KCND2: variants seen among roughly 807,000 people sequenced by gnomAD.
The protein encoded by KCND2 is A-type voltage-gated potassium channel KCND2.
KCND2 carries 16 observed loss-of-function variants against 54.4 expected under a neutral mutation model. That is an observed-to-expected ratio of 0.29 (90% CI 0.20 to 0.45). The LOEUF is 0.45. Among genes scored for constraint, KCND2 ranks in the 20% least tolerant of loss-of-function variants. The probability of loss-of-function intolerance (pLI) is 1.00; values close to 1 mark genes in which losing one functional copy is unlikely to be tolerated. For synonymous variants in KCND2, 317 were observed against 310.7 expected, an observed-to-expected ratio of 1.02 and a Z score of -0.21; for missense variants, 486 against 824.2, an observed-to-expected ratio of 0.59 and a Z score of 5.02.
At chr7:120,278,432 T>G (rs1799211323) in intron 1 of KCND2, among the ~76,000 whole-genome samples, 2 of 151,634 alleles carry the variant, frequency 1.3e-5, no homozygotes, top group Non-Finnish European at 1.5e-5. Context: ...GGCTATTAAT[T>G]TTAATGGAGC....
At chr7:120,615,731 G>T (rs1184682848) in intron 1 of KCND2, among the ~76,000 whole-genome samples, 1 of 152,148 alleles carries the variant, frequency 6.6e-6, no homozygotes, top group Non-Finnish European at 1.5e-5. Flanking sequence ...AACCAGAATT[G>T]AATTCTCCAT....
intron 1 of KCND2, among the ~76,000 whole-genome samples, chr7:120,647,473 C>G (rs1012042221): frequency 3.9e-5 from 6 of 152,150 alleles, no homozygotes; most frequent in African/African-American, 1.4e-4. Flanking sequence ...TCTCCAAGAC[C>G]CCTCTCACCT....
intron 1 of KCND2, among the ~76,000 whole-genome samples, chr7:120,372,409 G>A (rs1800777464): frequency 6.6e-6 from 1 of 151,558 alleles, no homozygotes; most frequent in Non-Finnish European, 1.5e-5. Context: ...TAATATTACA[G>A]CTGTTAGTTC....
At chr7:120,300,023 A>C (rs1799563708) in intron 1 of KCND2, among the ~76,000 whole-genome samples, 1 of 152,212 alleles carries the variant, frequency 6.6e-6, no homozygotes, top group Non-Finnish European at 1.5e-5. Context: ...AGCTCTGCCA[A>C]TAAACATGAA....
intron 1 of KCND2, among the ~76,000 whole-genome samples, chr7:120,604,089 T>G (rs552924152): frequency 6.6e-6 from 1 of 152,294 alleles, no homozygotes. Context: ...AAATGTAATT[T>G]AAAACATTTA....
chr7:120,410,624 G>T (rs1801435835), intron 1 of KCND2, among the ~76,000 whole-genome samples: 1 of 151,734 alleles, frequency 6.6e-6, no homozygotes, highest in Non-Finnish European at 1.5e-5. Flanking sequence ...GTATACATGT[G>T]CCATATTGGT....
At chr7:120,509,102 A>T (rs2116328333) in intron 1 of KCND2, among the ~76,000 whole-genome samples, 2 of 152,102 alleles carry the variant, frequency 1.3e-5, no homozygotes, top group South Asian at 4.2e-4. Flanking sequence ...ATTAATTTAA[A>T]ACTGATTTTA....
chr7:120,610,973 C>A (rs559150064), intron 1 of KCND2, among the ~76,000 whole-genome samples: 1 of 152,300 alleles, frequency 6.6e-6, no homozygotes, highest in East Asian at 1.9e-4. Context: ...CCATTTCTCA[C>A]ATCAGTTCTG....
At chr7:120,513,784 C>T (rs73721409) in intron 1 of KCND2, among the ~76,000 whole-genome samples, 2 of 151,726 alleles carry the variant, frequency 1.3e-5, no homozygotes, top group Admixed American at 6.6e-5. Context: ...GTAAAATTCA[C>T]ATTTAATATG....
In KCND2 at chr7:120,501,788, G is replaced by A. The variant is rs180739697; in HGVS notation, c.1115+226041G>A. Reference sequence around the variant, plus strand: ...CATGCTCTAGGGAATAATATATTTCGCACTGTATTCCCCTGGGTGTTTCAA... The same window carrying A: ...CATGCTCTAGGGAATAATATATTTCACACTGTATTCCCCTGGGTGTTTCAA... On this transcript the variant is annotated intron_variant, in intron 1 of 5. Transcript: ENST00000331113. 1.3e-3 allele frequency among the ~76,000 whole-genome samples: 196 copies of A among 151,882 alleles called. 1 individual carries two copies. Among genetic ancestry groups the A allele is most frequent in the Middle Eastern group, 3.4e-3 (1 of 294 alleles).
At chr7:120,592,453 G>A (rs775788661) in intron 1 of KCND2, among the ~76,000 whole-genome samples, 3 of 152,090 alleles carry the variant, frequency 2.0e-5, no homozygotes, top group Non-Finnish European at 2.9e-5. Context: ...CAGGAGAATA[G>A]CTTGAACCCA....
chr7:120,655,648 A>G (rs188962771), intron 1 of KCND2, among the ~76,000 whole-genome samples: 1 of 152,232 alleles, frequency 6.6e-6, no homozygotes. Flanking sequence ...ACATAAACCA[A>G]GTCAAATTTT....
At chr7:120,424,495 T>C (rs1801672827) in intron 1 of KCND2, among the ~76,000 whole-genome samples, 1 of 152,188 alleles carries the variant, frequency 6.6e-6, no homozygotes. Context: ...CAAATTAAAG[T>C]GGTAGAATAT....
chr7:120,299,003 A>G (rs941796262), intron 1 of KCND2, among the ~76,000 whole-genome samples: 1 of 152,168 alleles, frequency 6.6e-6, no homozygotes, highest in African/African-American at 2.4e-5. Flanking sequence ...TACTAAAAGT[A>G]CAAAAAATTA....
chr7:120,386,502 CAA>C (rs1800989754), intron 1 of KCND2, among the ~76,000 whole-genome samples: 1 of 152,064 alleles, frequency 6.6e-6, no homozygotes, highest in Non-Finnish European at 1.5e-5. Flanking sequence ...GACCCAACAA[CAA>C]AGAGTAAATA....
At chr7:120,457,793 A>T (rs1290760194) in intron 1 of KCND2, among the ~76,000 whole-genome samples, 2 of 152,094 alleles carry the variant, frequency 1.3e-5, no homozygotes, top group South Asian at 2.1e-4. Flanking sequence ...CCACATTTTC[A>T]GGTATCTTTA....
chr7:120,707,402 G>A (rs930722583), intron 1 of KCND2, among the ~76,000 whole-genome samples: 3 of 152,162 alleles, frequency 2.0e-5, no homozygotes, highest in East Asian at 3.9e-4. Context: ...ATGACTGCGA[G>A]TCACTTAAAT....
At chr7:120,685,296 A>G (rs1792186683) in intron 1 of KCND2, among the ~76,000 whole-genome samples, 2 of 152,200 alleles carry the variant, frequency 1.3e-5, no homozygotes, top group Admixed American at 1.3e-4. Flanking sequence ...TTAACCGGAC[A>G]GTTACCTAAG....
At chr7:120,619,843 T>C (rs574471092) in intron 1 of KCND2, among the ~76,000 whole-genome samples, 17 of 152,326 alleles carry the variant, frequency 1.1e-4, no homozygotes, top group African/African-American at 3.8e-4. Context: ...TATTCTTGGC[T>C]TATGATCTTT....
Sources: gnomAD v4.1 joint callset for allele counts (sites outside exome capture counted in the v4.1 genomes callset) on GRCh38, gnomAD v4.1.1 for gene constraint, MANE v1.5 for transcripts, NCBI Gene and HGNC (gene_info 2026-07-23, HGNC 2026-07-21) for gene names.